The following ACOT7 variants were observed in gnomAD, a reference collection of about 807,000 sequenced individuals.
ACOT7 encodes the protein cytosolic acyl coenzyme A thioester hydrolase.
In ACOT7, 12 loss-of-function variants were observed where a neutral mutation model predicts 40.2. The observed-to-expected ratio is 0.30, with a 90% confidence interval of 0.19 to 0.48. The LOEUF is 0.48. ACOT7 is among the 20% of genes least tolerant of loss of function. ACOT7 has a pLI of 0.99. For missense variants in ACOT7, 395 were observed against 530.8 expected (o/e 0.74, Z 2.51); for synonymous variants, 228 against 219.5 (o/e 1.04, Z -0.34).
intron 4 of ACOT7, 65 bp downstream of exon 4, chr1:6,333,412 C>T (rs1434481049): frequency 1.3e-6 from 2 of 1,557,288 alleles, no homozygotes; most frequent in African/African-American, 2.7e-5. Context: ...AGCCTCCCAA[C>T]ATCAGGTGAG....
chr1:6,277,154 G>A (rs1009214325), intron 8 of ACOT7, among the ~76,000 whole-genome samples: 1 of 152,252 alleles, frequency 6.6e-6, no homozygotes, highest in African/African-American at 2.4e-5. Flanking sequence ...AGTGGGGAAC[G>A]TGAGGCACAG....
chr1:6,392,553 G>T (rs1462345736), intron 1 of ACOT7, among the ~76,000 whole-genome samples: 1 of 152,162 alleles, frequency 6.6e-6, no homozygotes, highest in Non-Finnish European at 1.5e-5. Flanking sequence ...AAGAAGAGGG[G>T]GTGCTCTAGA....
intron 1 of ACOT7, among the ~76,000 whole-genome samples, chr1:6,373,912 AGTCT>A (rs1642178547): frequency 6.6e-6 from 1 of 152,090 alleles, no homozygotes; most frequent in Admixed American, 6.6e-5. Context: ...AATGAAAGGA[AGTCT>A]GTCTGTACCT....
At chr1:6,266,536 C>T (rs988359037) in intron 8 of ACOT7, among the ~76,000 whole-genome samples, 3 of 152,284 alleles carry the variant, frequency 2.0e-5, no homozygotes, top group Non-Finnish European at 1.5e-5. Flanking sequence ...GGTGACACAA[C>T]GCTGTGGCCC....
chr1:6,376,728 A>C (rs1427114838), intron 1 of ACOT7, among the ~76,000 whole-genome samples: 8 of 96,632 alleles, frequency 8.3e-5, no homozygotes, highest in Admixed American at 5.7e-4. Context: ...ACTCCATCCC[A>C]AAAAAAAAAA....
Position 6,344,305 on chromosome 1 carries a change from C to T in ACOT7, c.262-4716G>A, listed in dbSNP as rs75524748. 1.3e-3 allele frequency among the ~76,000 whole-genome samples: 205 copies of T among 152,260 alleles called. 3 individuals carry two copies. The East Asian group carries it at 0.026, about 19-fold the overall frequency. On this transcript the variant is annotated intron_variant, in intron 2 of 8. Transcript: ENST00000361521. ...GACTTGAGGCAGGAGGAAGGCAGAG[C>T]GCACCTCTCTGTGCTGTCCCTCGGG...
At chr1:6,356,663 A>T (rs1016774614) in intron 1 of ACOT7, among the ~76,000 whole-genome samples, 10 of 152,202 alleles carry the variant, frequency 6.6e-5, no homozygotes, top group African/African-American at 2.4e-4. Context: ...TCACACCTGT[A>T]ATCCCAGCAC....
chr1:6,317,988 TC>T (rs1557647790), intron 6 of ACOT7, among the ~76,000 whole-genome samples: 1 of 152,208 alleles, frequency 6.6e-6, no homozygotes, highest in African/African-American at 2.4e-5. Flanking sequence ...CACCTCGGCC[TC>T]CCAAAGTGCT....
At chr1:6,291,809 C>A (rs1040041768) in intron 7 of ACOT7, among the ~76,000 whole-genome samples, 1 of 152,200 alleles carries the variant, frequency 6.6e-6, no homozygotes, top group Non-Finnish European at 1.5e-5. Context: ...GGCCAGCCCC[C>A]CGCGGTTTCT....
intron 5 of ACOT7, among the ~76,000 whole-genome samples, chr1:6,321,784 A>C (rs1640651687): frequency 6.6e-6 from 1 of 152,194 alleles, no homozygotes; most frequent in East Asian, 1.9e-4. Context: ...TGACAGGCGT[A>C]AGCCACCGGG....
chr1:6,309,792 ATGAGAAAAAAGCT>A (rs142307652), intron 6 of ACOT7, among the ~76,000 whole-genome samples: 1,573 of 152,348 alleles, frequency 0.01, 16 homozygotes, highest in Middle Eastern at 0.041. Flanking sequence ...TCCCCTGGAT[ATGAGAAAAAAGCT>A]TGAGTTCCCC....
At position 6,289,978 on chromosome 1, in the gene ACOT7, C is replaced by T. The variant is rs1639618245; in HGVS notation, c.829+4886G>A. Among the ~76,000 whole-genome samples the T allele has an allele frequency of 6.6e-6, 1 of 152,162 alleles. No individual in the cohort carries two copies. The highest frequency in any genetic ancestry group is 2.1e-4 in the South Asian group (1 of 4,828). The stretch of plus-strand genomic sequence containing the variant: ...CACGTGGCAAAGGGGACTCTGCAGA[C>T]ATTGACTAAGTGACAGCCCTGGAGA... On this transcript the variant is annotated intron_variant, in intron 7 of 8. Coordinates refer to ENST00000361521, the MANE Select transcript of ACOT7 (RefSeq NM_007274.4). The surrounding 1 kb of genome is among the most constrained non-coding windows in gnomAD (Gnocchi z 4.6).
chr1:6,339,559 C>G lies in ACOT7; in HGVS notation c.292G>C (p.Glu98Gln). 2 of 1,613,404 alleles carry G rather than the reference C, an allele frequency of 1.2e-6. No homozygotes were observed. The highest frequency in any genetic ancestry group is 1.1e-5 in the South Asian group (1 of 91,070). Residue 98 changes from glutamate to glutamine, a missense_variant, in exon 3 of 9, where the codon GAG becomes CAG. Glu to Gln is a conservative substitution (Grantham distance 29). Around this residue, in one of 2 missense-constraint regions of ACOT7, gnomAD observed 309 missense variants for 470.3 expected, o/e 0.66. Coordinates refer to ENST00000361521, the MANE Select transcript of ACOT7 (RefSeq NM_007274.4). ...ERCVAALARV[E>Q]RTDFLSPMCI... ...ATGGGAGACAGGAAGTCGGTGCGCT[C>G]GACACGAGCCAGGGCGGCCACACAG...
At chr1:6,314,661 A>C (rs1423230579) in intron 6 of ACOT7, among the ~76,000 whole-genome samples, 1 of 152,102 alleles carries the variant, frequency 6.6e-6, no homozygotes, top group African/African-American at 2.4e-5. Context: ...TCTATGCAGG[A>C]GGGTGGGGGA....
At chr1:6,341,439 T>C (rs1641274609) in intron 2 of ACOT7, among the ~76,000 whole-genome samples, 2 of 151,182 alleles carry the variant, frequency 1.3e-5, no homozygotes, top group South Asian at 4.4e-4. Context: ...GGCCCAACTA[T>C]TCTTTTTAAA....
chr1:6,276,856 A>G (rs75074971), intron 8 of ACOT7, among the ~76,000 whole-genome samples: 2,217 of 152,290 alleles, frequency 0.015, 31 homozygotes, highest in East Asian at 0.038. Context: ...ATGAGTGAGA[A>G]ATAACAGCGT....
intron 8 of ACOT7, among the ~76,000 whole-genome samples, chr1:6,270,272 C>T (rs60823659): frequency 0.036 from 5,493 of 152,298 alleles, 350 homozygotes; most frequent in African/African-American, 0.12. Flanking sequence ...TAAATGCATA[C>T]GCTGTTGGCT....
intron 8 of ACOT7, among the ~76,000 whole-genome samples, chr1:6,276,584 C>T (rs570090551): frequency 2.6e-5 from 4 of 152,116 alleles, no homozygotes; most frequent in East Asian, 1.9e-4. Flanking sequence ...AGAAAGCTGA[C>T]GTGGGGATGA....
Position 6,278,259 on chromosome 1 carries a change from C to T in ACOT7, c.1014+2843G>A, listed in dbSNP as rs1639256027. Among the ~76,000 whole-genome samples, 2 of 152,134 alleles carry T rather than the reference C, an allele frequency of 1.3e-5. No individual in the cohort carries two copies. The highest frequency in any genetic ancestry group is 6.5e-5 in the Admixed American group (1 of 15,276). On this transcript the variant is annotated intron_variant, in intron 8 of 8. Transcript: ENST00000361521. The surrounding 1 kb of genome is among the most constrained non-coding windows in gnomAD (Gnocchi z 4.1). ...GCGCCGGGCAGGAGTGAGCTTGCTG[C>T]ACCCACACCCAGGGCATGGAGGAGC...
Sources: gnomAD v4.1 joint callset for allele counts (sites outside exome capture counted in the v4.1 genomes callset) on GRCh38, gnomAD v4.1.1 for gene constraint, gnomAD v4.1.1 regional missense constraint, Gnocchi (gnomAD v3.1) non-coding constraint, MANE v1.5 for transcripts, NCBI Gene and HGNC (gene_info 2026-07-23, HGNC 2026-07-21) for gene names.